ERCC1: variants seen among roughly 807,000 people sequenced by gnomAD.
ERCC1 encodes ERCC excision repair 1, endonuclease non-catalytic subunit, also known as DNA excision repair protein ERCC-1.
In ERCC1, 36 loss-of-function variants were observed where a neutral mutation model predicts 37.6. That is an observed-to-expected ratio of 0.96 (90% CI 0.73 to 1.26). The LOEUF is 1.26. Ranked by LOEUF, ERCC1 falls within the 50% of genes most tolerant of loss-of-function variation. ERCC1 has a pLI of 0.00. For missense variants in ERCC1, 349 were observed against 376.5 expected (o/e 0.93, Z 0.60); for synonymous variants, 156 against 162.1 (o/e 0.96, Z 0.28).
rs772525358 is a variant in ERCC1 at position 45,421,375 on chromosome 19, A to T, written c.124T>A (p.Ser42Thr). 11 of 1,610,028 alleles carry T rather than the reference A, an allele frequency of 6.8e-6. No individual in the cohort carries two copies. Among genetic ancestry groups the T allele is most frequent in the Middle Eastern group, 1.7e-4 (1 of 5,746 alleles). The change falls in exon 3 of 10, where the codon TCT becomes ACT. Residue 42 changes from serine (S) to threonine (T), a missense_variant. Coordinates refer to ENST00000300853, the MANE Select transcript of ERCC1 (RefSeq NM_001983.4). ...TCCACAGTGGGAAGGCTCTGTGTAGATCGGAATAAGGGCTTGGCCTGTGGG... is the reference window on the plus strand; with the variant it reads ...TCCACAGTGGGAAGGCTCTGTGTAGTTCGGAATAAGGGCTTGGCCTGTGGG... ...PPGVAKPLFR[S>T]TQSLPTVDTS...
chr19:45,448,955 T>C (rs1404927056), intron 1 of ERCC1, among the ~76,000 whole-genome samples: 1 of 152,130 alleles, frequency 6.6e-6, no homozygotes, highest in Non-Finnish European at 1.5e-5. Flanking sequence ...AGGATGCACA[T>C]TAAATACGTT....
Position 45,413,694 on chromosome 19 carries a change from C to T in ERCC1, c.826G>A (p.Gly276Ser). 1 of 1,614,138 alleles carries T rather than the reference C, an allele frequency of 6.2e-7. No individual in the cohort carries two copies. Among genetic ancestry groups the T allele is most frequent in the Non-Finnish European group, 8.5e-7 (1 of 1,180,040 alleles). ...ASREDLALCP[G>S]LGPQKARRLF... is the part of the protein sequence containing the mutation. ...GCTCTTACTTTCTGAGGGCCCAGGC[C>T]TGGGCATAAGGCCAGATCTTCTCTT... The change falls in exon 9 of 10, where the codon GGC becomes AGC. Residue 276 changes from glycine to serine, a missense_variant. Coordinates refer to ENST00000300853, the MANE Select transcript of ERCC1 (RefSeq NM_001983.4).
At position 45,409,239 on chromosome 19, in the gene ERCC1, A is replaced by G; in HGVS notation, c.*436T>C. ...GCAGCTCCCACATCCACCAAGAAGA[A>G]GAAGAAGAAGAAAGAGAGAGGTCAC... On this transcript the variant is annotated 3_prime_UTR_variant, in exon 10 of 10. Coordinates refer to ENST00000300853, the MANE Select transcript of ERCC1 (RefSeq NM_001983.4). 1 of 1,611,358 alleles carries G rather than the reference A, an allele frequency of 6.2e-7. No homozygotes were observed. The highest frequency in any genetic ancestry group is 8.5e-7 in the Non-Finnish European group (1 of 1,177,922).
intron 1 of ERCC1, among the ~76,000 whole-genome samples, chr19:45,450,313 C>T (rs1029920117): frequency 6.6e-6 from 1 of 152,196 alleles, no homozygotes. Flanking sequence ...CCAGAGCTCC[C>T]GCCTTATATC....
chr19:45,408,889 T>C lies in ERCC1; in HGVS notation c.*786A>G. The C allele has an allele frequency of 6.2e-7, 1 of 1,613,830 alleles. No individual in the cohort carries two copies. Among genetic ancestry groups the C allele is most frequent in the Non-Finnish European group, 8.5e-7 (1 of 1,179,904 alleles). On this transcript the variant is annotated 3_prime_UTR_variant, in exon 10 of 10. Coordinates refer to ENST00000300853, the MANE Select transcript of ERCC1 (RefSeq NM_001983.4). ...TGGAGCCAGAGGAGGGGGTGACAGT[T>C]GAGTCTCAGCCACAGGTGAAGGTGG... is the stretch of plus-strand genomic sequence containing the variant.
chr19:45,438,225 T>G (rs575700039), intron 1 of ERCC1, among the ~76,000 whole-genome samples: 1 of 152,272 alleles, frequency 6.6e-6, no homozygotes, highest in South Asian at 2.1e-4. Context: ...TCTGATTTTT[T>G]TTATTTTTAT....
chr19:45,423,589 C>T lies in ERCC1; in HGVS notation c.-8+192G>A, dbSNP rs1221914013. 7.1e-6 allele frequency: 10 copies of T among 1,408,574 alleles called. No individual in the cohort carries two copies. In the Admixed American group the frequency reaches 2.6e-4, roughly 37 times the overall value. The allele number at this position is 1,408,574 out of a possible 1,614,324, so 87.3% of individuals were successfully genotyped here. A position where few individuals can be genotyped will look rare whatever the true frequency, so the allele number is the denominator to read the frequency against. On this transcript the variant is annotated intron_variant, in intron 1 of 9. Coordinates refer to ENST00000300853, the MANE Select transcript of ERCC1 (RefSeq NM_001983.4). ...CCCCGCCCCTTACAGGTCCACAAGT[C>T]CCATCGCTCCGCCCCTCGCCCCCAC...
rs1974567998 is a variant in ERCC1 at position 45,423,490 on chromosome 19, T to C, written c.-7-109A>G. The C allele has an allele frequency of 4.7e-6, 7 of 1,494,668 alleles. 1 individual carries two copies. The South Asian group carries it at 5.1e-5, about 11-fold the overall frequency. 92.6% of individuals were successfully genotyped at this position (1,494,668 alleles called of 1,614,324 possible). On this transcript the variant is annotated intron_variant, in intron 1 of 9. Transcript: ENST00000300853. ...CCCCCACAAAACTCCGAGAGCTCCA[T>C]AGCGTCAGGTCCCCAACACCCAGCG...
chr19:45,443,427 T>C (rs996439586), intron 1 of ERCC1, among the ~76,000 whole-genome samples: 7 of 152,132 alleles, frequency 4.6e-5, no homozygotes, highest in African/African-American at 1.7e-4. Flanking sequence ...AGGGGATCGC[T>C]AAGAACACCC....
chr19:45,445,529 G>A (rs1966914879), intron 1 of ERCC1, among the ~76,000 whole-genome samples: 1 of 152,170 alleles, frequency 6.6e-6, no homozygotes, highest in South Asian at 2.1e-4. Context: ...GCAGAGACAG[G>A]GGGTTGGGGG....
chr19:45,425,285 C>G (rs976363969), upstream of ERCC1, among the ~76,000 whole-genome samples: 5 of 151,668 alleles, frequency 3.3e-5, no homozygotes, highest in African/African-American at 1.2e-4. Flanking sequence ...CCCGTGTTGT[C>G]CTCCCAGAGC....
In ERCC1 at chr19:45,409,348, CAAG is replaced by C. The variant is rs772777599; in HGVS notation, c.*324_*326del. The C allele has an allele frequency of 1.8e-5, 29 of 1,614,084 alleles. No individual in the cohort carries two copies. In the African/African-American group the frequency reaches 3.6e-4, roughly 20 times the overall value. On this transcript the variant is annotated 3_prime_UTR_variant, in exon 10 of 10. Transcript: ENST00000300853. ...AAGCCAGGGCAACTCCGGGATCCAC[CAAG>C]AAGAGGAAGAAGCAGAGTCAGGAAA...
At chr19:45,434,163 A>C (rs879553077) in intron 1 of ERCC1, among the ~76,000 whole-genome samples, 15,580 of 132,860 alleles carry the variant, frequency 0.12, 1,009 homozygotes, top group Admixed American at 0.19. Flanking sequence ...CACAAAAAAA[A>C]AAAAAAAAAA....
chr19:45,421,217 G>C lies in ERCC1; in HGVS notation c.282C>G (p.Pro94=), dbSNP rs768588594. 4 of 1,614,170 alleles carry C rather than the reference G, an allele frequency of 2.5e-6. No individual in the cohort carries two copies. Among genetic ancestry groups the C allele is most frequent in the Admixed American group, 3.3e-5 (2 of 60,022 alleles). The change falls in exon 3 of 10, where the codon CCC becomes CCG. Residue 94 remains proline (P), a synonymous_variant. Coordinates refer to ENST00000300853, the MANE Select transcript of ERCC1 (RefSeq NM_001983.4). ...AGETPNQALK[P]GAKSNSIIVS... ...CAATGATGCTGTTGGATTTTGCCCC[G>C]GGTTTCAGGGCCTGGTTGGGCGTCT... is the stretch of plus-strand genomic sequence containing the variant.
upstream of ERCC1, among the ~76,000 whole-genome samples, chr19:45,425,502 C>G (rs1270097901): frequency 6.6e-6 from 1 of 151,890 alleles, no homozygotes; most frequent in Admixed American, 6.6e-5. Context: ...AGTTCTCCTG[C>G]CTCAGCCTCC....
At chr19:45,449,433 T>C (rs541710095) in intron 1 of ERCC1, among the ~76,000 whole-genome samples, 9 of 152,122 alleles carry the variant, frequency 5.9e-5, no homozygotes, top group East Asian at 5.8e-4. Context: ...GGCAGGAAGA[T>C]TGGGTGAGCC....
At chr19:45,413,434 T>C (rs542654409) in intron 9 of ERCC1, 6 of 734,456 alleles carry the variant, frequency 8.2e-6, no homozygotes, top group African/African-American at 1.8e-5. Context: ...CACACCACCA[T>C]GCCCAGCTAG....
chr19:45,420,550 C>T lies in ERCC1; in HGVS notation c.322-123G>A, dbSNP rs104894991. On this transcript the variant is annotated intron_variant, in intron 3 of 9. Coordinates refer to ENST00000300853, the MANE Select transcript of ERCC1 (RefSeq NM_001983.4). This position sits in a 1 kb window ranked among gnomAD's most constrained non-coding sequence, Gnocchi z 4.8. ...CCTCTTCCCACACCTCCTGCCTCCT[C>T]GCACCTCTTCCCACACCTCCTCCCT... 3.7e-4 allele frequency: 260 copies of T among 709,322 alleles called. No individual in the cohort carries two copies. Among genetic ancestry groups the T allele is most frequent in the Non-Finnish European group, 5.3e-4 (208 of 390,524 alleles). The allele number at this position is 709,322 out of a possible 1,614,324, so 43.9% of individuals were successfully genotyped here. A position where few individuals can be genotyped will look rare whatever the true frequency, so the allele number is the denominator to read the frequency against.
upstream of ERCC1, among the ~76,000 whole-genome samples, chr19:45,425,684 A>C (rs980587173): frequency 1.3e-5 from 2 of 152,110 alleles, no homozygotes; most frequent in African/African-American, 4.8e-5. Flanking sequence ...TTTATTTTTG[A>C]AAGTGCACCG....
Sources: allele counts gnomAD v4.1 joint callset (sites outside exome capture counted in the v4.1 genomes callset), GRCh38; gene constraint gnomAD v4.1.1; non-coding constraint Gnocchi (gnomAD v3.1); transcripts MANE v1.5; gene names NCBI Gene and HGNC (gene_info 2026-07-23, HGNC 2026-07-21).